CCDC88A: variants seen among roughly 807,000 people sequenced by gnomAD.
The protein encoded by CCDC88A is girdin.
A neutral mutation model predicts 234.3 loss-of-function variants in CCDC88A; 54 were observed. The observed-to-expected ratio is 0.23, with a 90% confidence interval of 0.19 to 0.29. The LOEUF (loss-of-function observed/expected upper bound fraction) is 0.29. Ranked by LOEUF, CCDC88A falls within the 10% of genes least tolerant of loss-of-function variation. The pLI is 1.00. For synonymous variants in CCDC88A, 753 were observed against 737.8 expected, an observed-to-expected ratio of 1.02 and a Z score of -0.33; for missense variants, 1,832 against 2,123.4, an observed-to-expected ratio of 0.86 and a Z score of 2.70.
At chr2:55,324,625 AG>A (rs1221083028) in intron 17 of CCDC88A, among the ~76,000 whole-genome samples, 1 of 152,014 alleles carries the variant, frequency 6.6e-6, no homozygotes, top group Non-Finnish European at 1.5e-5. Flanking sequence ...CCTTGAGTAA[AG>A]AGAAGTAGCA....
chr2:55,310,961 A>G (rs6746287), intron 23 of CCDC88A, among the ~76,000 whole-genome samples: 26,496 of 152,194 alleles, frequency 0.17, 5,265 homozygotes, highest in African/African-American at 0.49. Context: ...AGCTAGAAAT[A>G]TCTAACATGC....
Position 55,419,025 on chromosome 2 carries a change from C to T in CCDC88A, c.55G>A (p.Val19Ile). 1.2e-6 allele frequency: 2 copies of T among 1,613,110 alleles called. No homozygotes were observed. Among genetic ancestry groups the T allele is most frequent in the African/African-American group, 1.3e-5 (1 of 74,986 alleles). The change falls in exon 1 of 33, where the codon GTC becomes ATC. Residue 19 changes from valine (V) to isoleucine (I), a missense_variant. Val to Ile is a conservative substitution (Grantham distance 29). Around this residue, in one of 6 missense-constraint regions of CCDC88A, gnomAD observed 36 missense variants for 44.0 expected, o/e 0.82. Transcript: ENST00000436346. ...AAGGACACCCCACTTACCCAAGTGA[C>T]CAAAGGGCTGGTCATGAACTGCTCC... ...LLEQFMTSPL[V>I]TWVKTFGPLA... is the part of the protein sequence containing the mutation.
chr2:55,341,840 A>G (rs1033947039), intron 12 of CCDC88A, among the ~76,000 whole-genome samples: 7 of 152,160 alleles, frequency 4.6e-5, no homozygotes, highest in Non-Finnish European at 7.3e-5. Flanking sequence ...GGTTGATTCC[A>G]TATCTTGACA....
intron 8 of CCDC88A, among the ~76,000 whole-genome samples, chr2:55,353,649 C>CAAAAAAAAAAAAAAA (rs34022778): frequency 5.2e-5 from 4 of 77,080 alleles, no homozygotes; most frequent in Admixed American, 1.5e-4. Flanking sequence ...GAAACCAAAC[C>CAAAAAAAAAAAAAAA]AAAAAAAAAA....
intron 30 of CCDC88A, 60 bp from the exon 31 acceptor site, chr2:55,296,116 G>C: frequency 7.3e-7 from 1 of 1,379,158 alleles, no homozygotes; most frequent in South Asian, 1.4e-5. Context: ...TTACTTTCCT[G>C]ATTTAGCAGA....
intron 3 of CCDC88A, among the ~76,000 whole-genome samples, chr2:55,375,247 G>C (rs1053755454): frequency 2.0e-5 from 3 of 151,744 alleles, no homozygotes; most frequent in African/African-American, 7.3e-5. Flanking sequence ...AAAAATATCA[G>C]ATGTCCCCAA....
At chr2:55,375,468 ACTATATATATATATATAT>A (rs1558768262) in intron 3 of CCDC88A, among the ~76,000 whole-genome samples, 6 of 129,710 alleles carry the variant, frequency 4.6e-5, no homozygotes, top group Middle Eastern at 3.9e-3. Context: ...CTGTCACTGT[ACTATATATATATATATAT>A]ATATATATAT....
In CCDC88A at chr2:55,328,242, A is replaced by G; in HGVS notation, c.2997+52T>C. 1 of 1,304,042 alleles carries G rather than the reference A, an allele frequency of 7.7e-7. No individual in the cohort carries two copies. Among genetic ancestry groups the G allele is most frequent in the Non-Finnish European group, 1.1e-6 (1 of 950,898 alleles). 80.8% of individuals were successfully genotyped at this position (1,304,042 alleles called of 1,614,324 possible). A position where few individuals can be genotyped will look rare whatever the true frequency, so the allele number is the denominator to read the frequency against. ...TTTCTACTTTATATTTTTCTGTCCAAATATTTATATAATAAATGATCCTTA... is the reference window on the plus strand; with the variant it reads ...TTTCTACTTTATATTTTTCTGTCCAGATATTTATATAATAAATGATCCTTA... On this transcript the variant is annotated intron_variant, in intron 17 of 32. Transcript: ENST00000436346. This position sits in a 1 kb window ranked among gnomAD's most constrained non-coding sequence, Gnocchi z 4.3.
rs1187002884 is a variant in CCDC88A at position 55,294,204 on chromosome 2, C to G, written c.5551+1393G>C. 3 of 878,860 alleles carry G rather than the reference C, an allele frequency of 3.4e-6. No individual in the cohort carries two copies. The African/African-American group carries it at 5.5e-5, about 16-fold the overall frequency. The allele number at this position is 878,860 out of a possible 1,614,324, so 54.4% of individuals were successfully genotyped here. On this transcript the variant is annotated intron_variant, in intron 31 of 32. Coordinates refer to ENST00000436346, the MANE Select transcript of CCDC88A (RefSeq NM_001365480.1). ...TAATTTGGTTTATTTCTCTTTGACT[C>G]TCTATAAAAAAAGAACTGGAAAAAC...
chr2:55,344,314 A>T (rs765335360), intron 11 of CCDC88A, 54 bp downstream of exon 11: 8 of 1,312,690 alleles, frequency 6.1e-6, no homozygotes, highest in Non-Finnish European at 8.3e-6. Flanking sequence ...AATCAGCTGA[A>T]TCTTAGAAGT....
At position 55,328,022 on chromosome 2, in the gene CCDC88A, A is replaced by G. The variant is rs1242800664; in HGVS notation, c.2997+272T>C. On this transcript the variant is annotated intron_variant, in intron 17 of 32. Transcript: ENST00000436346. The surrounding 1 kb of genome is among the most constrained non-coding windows in gnomAD (Gnocchi z 4.3). ...CACAATGAGAGCTTTTCCCAATAAA[A>G]TAAGCCTGCCTCTTCCTCATTCCAC... Among the ~76,000 whole-genome samples the G allele has an allele frequency of 6.6e-6, 1 of 152,170 alleles. No homozygotes were observed. The highest frequency in any genetic ancestry group is 2.4e-5 in the African/African-American group (1 of 41,452).
intron 3 of CCDC88A, among the ~76,000 whole-genome samples, chr2:55,377,989 C>T (rs1315561002): frequency 6.6e-6 from 1 of 152,166 alleles, no homozygotes; most frequent in Admixed American, 6.5e-5. Flanking sequence ...ATTTACGTCA[C>T]TTATTTTTGA....
At chr2:55,359,423 T>C (rs1312416766) in intron 7 of CCDC88A, among the ~76,000 whole-genome samples, 2 of 151,986 alleles carry the variant, frequency 1.3e-5, no homozygotes. Context: ...TATTTTCCAT[T>C]AAAGATTATT....
intron 4 of CCDC88A, 115 bp downstream of exon 4, chr2:55,374,699 C>T (rs1032197376): frequency 1.8e-6 from 1 of 570,442 alleles, no homozygotes; most frequent in Non-Finnish European, 3.2e-6. Context: ...CCTCCAACGT[C>T]TACAGTTGTG....
At position 55,335,194 on chromosome 2, in the gene CCDC88A, G is replaced by A; in HGVS notation, c.1657-30C>T. ...TTTGAAAAGAAAATAATTAAAAGCT[G>A]TAATTGAGGAAAAACTAACTATGGT... On this transcript the variant is annotated intron_variant, in intron 14 of 32. Transcript: ENST00000436346. This position sits in a 1 kb window ranked among gnomAD's most constrained non-coding sequence, Gnocchi z 4.5. 1 of 1,353,192 alleles carries A rather than the reference G, an allele frequency of 7.4e-7. No individual in the cohort carries two copies. Among genetic ancestry groups the A allele is most frequent in the Non-Finnish European group, 9.8e-7 (1 of 1,015,980 alleles). The allele number at this position is 1,353,192 out of a possible 1,614,324, so 83.8% of individuals were successfully genotyped here.
chr2:55,385,775 T>G (rs1675478584), intron 3 of CCDC88A, among the ~76,000 whole-genome samples: 1 of 131,370 alleles, frequency 7.6e-6, no homozygotes, highest in East Asian at 2.2e-4. Flanking sequence ...ATCCCTTGAA[T>G]CCGGGAGGCA....
At chr2:55,344,310 C>G (rs1221622809) in intron 11 of CCDC88A, 58 bp downstream of exon 11, 1 of 1,273,952 alleles carries the variant, frequency 7.8e-7, no homozygotes, top group Non-Finnish European at 1.1e-6. Flanking sequence ...GGGAAATCAG[C>G]TGAATCTTAG....
chr2:55,384,619 A>G (rs1324818321), intron 3 of CCDC88A, among the ~76,000 whole-genome samples: 2 of 81,520 alleles, frequency 2.5e-5, no homozygotes, highest in African/African-American at 1.4e-4. Flanking sequence ...GTGTATATAT[A>G]CGTATATATA....
intron 2 of CCDC88A, among the ~76,000 whole-genome samples, chr2:55,390,105 A>G (rs1403031070): frequency 8.3e-6 from 1 of 120,864 alleles, no homozygotes; most frequent in Non-Finnish European, 1.8e-5. Flanking sequence ...CACTTTAACA[A>G]AATAATAAAC....
Sources: gnomAD v4.1 joint callset for allele counts (sites outside exome capture counted in the v4.1 genomes callset) on GRCh38, gnomAD v4.1.1 for gene constraint, gnomAD v4.1.1 regional missense constraint, Gnocchi (gnomAD v3.1) non-coding constraint, MANE v1.5 for transcripts, NCBI Gene and HGNC (gene_info 2026-07-23, HGNC 2026-07-21) for gene names.